Variants in ZNF536 observed in about 807,000 individuals in gnomAD.
ZNF536 encodes zinc finger protein 536.
A neutral mutation model predicts 84.5 loss-of-function variants in ZNF536; 13 were observed. That is an observed-to-expected ratio of 0.15 (90% CI 0.10 to 0.24). The LOEUF (loss-of-function observed/expected upper bound fraction) is 0.24. Among genes scored for constraint, ZNF536 ranks in the 10% least tolerant of loss-of-function variants. The pLI is 1.00. For synonymous variants in ZNF536, 811 were observed against 742.5 expected (o/e 1.09, Z -1.50); for missense variants, 1,536 against 1,747.5 (o/e 0.88, Z 2.16).
At chr19:30,434,131 T>G (rs2148012527) in intron 1 of ZNF536, among the ~76,000 whole-genome samples, 1 of 152,310 alleles carries the variant, frequency 6.6e-6, no homozygotes, top group South Asian at 2.1e-4. Flanking sequence ...ACTTCAGGTG[T>G]CATTCTCTTT....
At chr19:30,595,921 A>AG (rs1422745415) in intron 1 of ZNF536, among the ~76,000 whole-genome samples, 1 of 152,124 alleles carries the variant, frequency 6.6e-6, no homozygotes, top group Non-Finnish European at 1.5e-5. Context: ...GGGAAAGGAG[A>AG]GGGGGTGCAG....
At chr19:30,299,513 G>T (rs1336439141) in intron 2 of ZNF536, among the ~76,000 whole-genome samples, 1 of 152,130 alleles carries the variant, frequency 6.6e-6, no homozygotes, top group East Asian at 1.9e-4. Context: ...TCCTTCAAAA[G>T]CCAGAAGAGT....
chr19:30,304,978 C>A (rs2046302638), intron 2 of ZNF536, among the ~76,000 whole-genome samples: 2 of 152,234 alleles, frequency 1.3e-5, no homozygotes, highest in Non-Finnish European at 2.9e-5. Flanking sequence ...TTGGGGCAGA[C>A]ATCTCTTTTC....
At chr19:30,694,625 A>G (rs2037889225) in intron 1 of ZNF536, among the ~76,000 whole-genome samples, 2 of 152,238 alleles carry the variant, frequency 1.3e-5, no homozygotes, top group South Asian at 4.1e-4. Context: ...CTGGAAATCC[A>G]TGTTTTAATG....
chr19:30,645,797 G>C (rs895016279), intron 1 of ZNF536, among the ~76,000 whole-genome samples: 1 of 152,226 alleles, frequency 6.6e-6, no homozygotes, highest in African/African-American at 2.4e-5. Flanking sequence ...GCGCCACCCT[G>C]CAGCAGGGAG....
chr19:30,296,781 C>T (rs2046009689), intron 2 of ZNF536, among the ~76,000 whole-genome samples: 1 of 152,162 alleles, frequency 6.6e-6, no homozygotes, highest in Non-Finnish European at 1.5e-5. Context: ...AAGGGAGGCA[C>T]AGATGGGTGT....
intron 1 of ZNF536, among the ~76,000 whole-genome samples, chr19:30,689,143 T>C (rs938893469): frequency 5.9e-5 from 9 of 152,358 alleles, no homozygotes; most frequent in Admixed American, 5.9e-4. Context: ...GAGGGACTTG[T>C]TCCAGGCTAC....
intron 1 of ZNF536, among the ~76,000 whole-genome samples, chr19:30,401,345 T>C (rs1271416856): frequency 6.6e-6 from 1 of 152,166 alleles, no homozygotes; most frequent in African/African-American, 2.4e-5. Flanking sequence ...CTACATATCT[T>C]GATATTTGAG....
chr19:30,547,294 T>C (rs1467885068), intron 3 of ZNF536, among the ~76,000 whole-genome samples: 1 of 152,240 alleles, frequency 6.6e-6, no homozygotes, highest in Non-Finnish European at 1.5e-5. Flanking sequence ...ACTGTAATGG[T>C]ATTAATATTT....
At chr19:30,460,122 ATCT>A (rs1439191313) in intron 2 of ZNF536, among the ~76,000 whole-genome samples, 1 of 152,128 alleles carries the variant, frequency 6.6e-6, no homozygotes, top group Non-Finnish European at 1.5e-5. Flanking sequence ...TCTAGCAATG[ATCT>A]TCTTGCATCC....
At chr19:30,486,973 A>C (rs1285093693) in intron 2 of ZNF536, among the ~76,000 whole-genome samples, 1 of 152,222 alleles carries the variant, frequency 6.6e-6, no homozygotes, top group African/African-American at 2.4e-5. Flanking sequence ...AACTTAAATA[A>C]AGAACCAGTG....
intron 2 of ZNF536, among the ~76,000 whole-genome samples, chr19:30,447,077 G>A (rs73924758): frequency 0.12 from 18,293 of 152,238 alleles, 1,306 homozygotes; most frequent in African/African-American, 0.18. Flanking sequence ...TCTGCAATCA[G>A]CCATTAAGTC....
chr19:30,518,488 G>T (rs2044183283), intron 2 of ZNF536, among the ~76,000 whole-genome samples: 1 of 152,136 alleles, frequency 6.6e-6, no homozygotes. Flanking sequence ...AATTTTCCCC[G>T]AAGGAGAAGT....
At chr19:30,589,252 G>A (rs1436658261) in intron 1 of ZNF536, among the ~76,000 whole-genome samples, 3 of 152,202 alleles carry the variant, frequency 2.0e-5, no homozygotes, top group African/African-American at 7.2e-5. Context: ...ATGGAAGAAA[G>A]GCTCTGCATT....
intron 1 of ZNF536, among the ~76,000 whole-genome samples, chr19:30,634,390 G>A (rs2048992260): frequency 6.6e-6 from 1 of 152,098 alleles, no homozygotes; most frequent in African/African-American, 2.4e-5. Flanking sequence ...AGCTCGACTT[G>A]GAAAGCTCTG....
intron 3 of ZNF536, among the ~76,000 whole-genome samples, chr19:30,354,807 C>T (rs1166952122): frequency 2.6e-5 from 4 of 152,170 alleles, no homozygotes; most frequent in South Asian, 4.2e-4. Flanking sequence ...CCCTGCCCCT[C>T]GCTGACTTTC....
chr19:30,330,099 C>T (rs1260491054), intron 2 of ZNF536, among the ~76,000 whole-genome samples: 3 of 152,138 alleles, frequency 2.0e-5, no homozygotes, highest in African/African-American at 7.2e-5. Flanking sequence ...ACTATGATTA[C>T]TCCCGTCACC....
chr19:30,262,820 G>T (rs2025297706), intron 1 of ZNF536, among the ~76,000 whole-genome samples: 1 of 152,170 alleles, frequency 6.6e-6, no homozygotes, highest in Admixed American at 6.5e-5. Flanking sequence ...TGGCAGATGG[G>T]GGCTGGTTTC....
At chr19:30,256,167 C>T (rs1012795327) in intron 1 of ZNF536, among the ~76,000 whole-genome samples, 1 of 152,160 alleles carries the variant, frequency 6.6e-6, no homozygotes, top group African/African-American at 2.4e-5. Context: ...TTTAAGGCCC[C>T]ACAGAAACTT....
Sources: gnomAD v4.1 joint callset for allele counts (sites outside exome capture counted in the v4.1 genomes callset) on GRCh38, gnomAD v4.1.1 for gene constraint, MANE v1.5 for transcripts, NCBI Gene and HGNC (gene_info 2026-07-23, HGNC 2026-07-21) for gene names.